KCTD16: variants seen among roughly 807,000 people sequenced by gnomAD.
KCTD16 encodes the protein potassium channel tetramerization domain containing 16, also known as BTB/POZ domain-containing protein KCTD16.
KCTD16 carries 13 observed loss-of-function variants against 33.2 expected under a neutral mutation model. The observed-to-expected ratio is 0.39, with a 90% CI of 0.25 to 0.62. The LOEUF is 0.62. Ranked by LOEUF, KCTD16 falls within the 20% of genes least tolerant of loss-of-function variation. KCTD16 has a pLI of 0.50. For synonymous variants in KCTD16, 197 were observed against 195.3 expected (o/e 1.01, Z -0.07); for missense variants, 441 against 525.1 (o/e 0.84, Z 1.57).
At chr5:144,468,944 T>G (rs1442108836) in intron 3 of KCTD16, among the ~76,000 whole-genome samples, 1 of 152,262 alleles carries the variant, frequency 6.6e-6, no homozygotes, top group Non-Finnish European at 1.5e-5. Flanking sequence ...TAGTCTTTTC[T>G]GTTTAAGTTC....
At chr5:144,276,269 T>A (rs1755435143) in intron 3 of KCTD16, among the ~76,000 whole-genome samples, 1 of 152,148 alleles carries the variant, frequency 6.6e-6, no homozygotes, top group Non-Finnish European at 1.5e-5. Context: ...TATAATTTTG[T>A]CTCTCAACAA....
chr5:144,361,357 T>G (rs535348122), intron 3 of KCTD16, among the ~76,000 whole-genome samples: 8 of 152,280 alleles, frequency 5.3e-5, no homozygotes, highest in African/African-American at 1.9e-4. Flanking sequence ...GACAGTGTTT[T>G]TGTGGAAATA....
intron 3 of KCTD16, among the ~76,000 whole-genome samples, chr5:144,401,039 T>C (rs1752691742): frequency 6.6e-6 from 1 of 152,170 alleles, no homozygotes; most frequent in Non-Finnish European, 1.5e-5. Context: ...GGACATATCA[T>C]GAGACCTTGA....
At chr5:144,217,587 G>T (rs1263816922) in intron 3 of KCTD16, among the ~76,000 whole-genome samples, 4 of 152,116 alleles carry the variant, frequency 2.6e-5, no homozygotes, top group African/African-American at 4.8e-5. Flanking sequence ...TATTTGGAAA[G>T]ATGTTATTGC....
At chr5:144,300,960 G>A (rs145505444) in intron 3 of KCTD16, among the ~76,000 whole-genome samples, 17 of 152,050 alleles carry the variant, frequency 1.1e-4, no homozygotes, top group South Asian at 2.1e-4. Context: ...AGATTATTAC[G>A]GGCACGGCAC....
intron 3 of KCTD16, among the ~76,000 whole-genome samples, chr5:144,347,448 A>G (rs1488195201): frequency 6.6e-6 from 1 of 152,186 alleles, no homozygotes; most frequent in Admixed American, 6.5e-5. Context: ...TACAAAAATT[A>G]GCCAGATGTG....
rs1753214590 is a variant in KCTD16 at position 144,207,302 on chromosome 5, A to G, written c.588A>G (p.Gly196=). ...FRRVPRILVC[G]RISLAKEVFG... is the part of the protein sequence containing the mutation. Reference sequence around the variant, plus strand: ...GAGTTCCCCGGATTTTGGTTTGTGGAAGGATTTCCTTGGCAAAAGAAGTCT... The same window carrying G: ...GAGTTCCCCGGATTTTGGTTTGTGGGAGGATTTCCTTGGCAAAAGAAGTCT... Residue 196 remains glycine (G), a synonymous_variant, in exon 3 of 4, where the codon GGA becomes GGG. Transcript: ENST00000512467. 2 of 1,614,088 alleles carry G rather than the reference A, an allele frequency of 1.2e-6. No homozygotes were observed. Among genetic ancestry groups the G allele is most frequent in the Non-Finnish European group, 1.7e-6 (2 of 1,180,054 alleles).
intron 3 of KCTD16, among the ~76,000 whole-genome samples, chr5:144,238,401 C>A (rs755369385): frequency 4.6e-5 from 7 of 152,082 alleles, no homozygotes; most frequent in Non-Finnish European, 7.4e-5. Context: ...TCGATGAGCT[C>A]ATTTGCCTTT....
chr5:144,343,546 A>AT (rs1195541694), intron 3 of KCTD16, among the ~76,000 whole-genome samples: 1 of 151,794 alleles, frequency 6.6e-6, no homozygotes, highest in Non-Finnish European at 1.5e-5. Context: ...GGATTCATTA[A>AT]TTTTTTGAAG....
intron 1 of KCTD16, among the ~76,000 whole-genome samples, chr5:144,171,570 A>G (rs1752384048): frequency 1.3e-5 from 2 of 152,126 alleles, no homozygotes; most frequent in African/African-American, 4.8e-5. Context: ...ACTCCCCCCA[A>G]CCAACCACCA....
At chr5:144,331,023 G>C (rs566232282) in intron 3 of KCTD16, among the ~76,000 whole-genome samples, 190 of 152,278 alleles carry the variant, frequency 1.2e-3, no homozygotes, top group African/African-American at 4.4e-3. Flanking sequence ...AACTGAACTT[G>C]GTTCTTAAAA....
At chr5:144,343,704 C>T (rs1752707158) in intron 3 of KCTD16, among the ~76,000 whole-genome samples, 1 of 152,176 alleles carries the variant, frequency 6.6e-6, no homozygotes, top group Non-Finnish European at 1.5e-5. Flanking sequence ...CCTGCTCTCT[C>T]TTGTTGGCAT....
intron 3 of KCTD16, among the ~76,000 whole-genome samples, chr5:144,244,160 T>G (rs186838194): frequency 6.6e-5 from 10 of 152,290 alleles, no homozygotes; most frequent in African/African-American, 2.4e-4. Flanking sequence ...ATTTATGTCT[T>G]TGTGTAGCTC....
intron 3 of KCTD16, among the ~76,000 whole-genome samples, chr5:144,265,247 C>A (rs1320549319): frequency 6.6e-6 from 1 of 152,004 alleles, no homozygotes; most frequent in Non-Finnish European, 1.5e-5. Flanking sequence ...AATATTATTA[C>A]CTTAATCACA....
At position 144,477,244 on chromosome 5, in the gene KCTD16, A is replaced by G. The variant is rs1206460507; in HGVS notation, c.*3130A>G. On this transcript the variant is annotated 3_prime_UTR_variant, in exon 4 of 4. Transcript: ENST00000512467. ...CCCCTGCTAGGAAAAAATTGCACTG[A>G]AATGCTGACAAAAAATAATGAAATG... The G allele has an allele frequency of 6.6e-6, 1 of 152,118 alleles. No homozygotes were observed. Among genetic ancestry groups the G allele is most frequent in the Non-Finnish European group, 1.5e-5 (1 of 67,994 alleles). 9.4% of individuals were successfully genotyped at this position (152,118 alleles called of 1,614,324 possible).
chr5:144,430,318 G>A (rs1753429987), intron 3 of KCTD16, among the ~76,000 whole-genome samples: 1 of 152,070 alleles, frequency 6.6e-6, no homozygotes, highest in African/African-American at 2.4e-5. Flanking sequence ...AATCAAGATG[G>A]CAGAGAACAG....
chr5:144,421,935 A>C (rs935204754), intron 3 of KCTD16, among the ~76,000 whole-genome samples: 1 of 152,090 alleles, frequency 6.6e-6, no homozygotes, highest in Non-Finnish European at 1.5e-5. Flanking sequence ...AAGGCATGGG[A>C]TGTTGAATTA....
intron 3 of KCTD16, among the ~76,000 whole-genome samples, chr5:144,426,651 C>T (rs1753337418): frequency 6.6e-6 from 1 of 152,060 alleles, no homozygotes; most frequent in East Asian, 1.9e-4. Flanking sequence ...TTATTTGGCT[C>T]ATGATTCTGA....
At chr5:144,271,760 TACACACACACACAC>T (rs3077273) in intron 3 of KCTD16, among the ~76,000 whole-genome samples, 1 of 146,120 alleles carries the variant, frequency 6.8e-6, no homozygotes, top group South Asian at 2.2e-4. Context: ...GACTAAAAAC[TACACACACACACAC>T]ACACACACAC....
Sources: allele counts gnomAD v4.1 joint callset (sites outside exome capture counted in the v4.1 genomes callset), GRCh38; gene constraint gnomAD v4.1.1; transcripts MANE v1.5; gene names NCBI Gene and HGNC (gene_info 2026-07-23, HGNC 2026-07-21).